NKAIN2: variants seen among roughly 807,000 people sequenced by gnomAD.
NKAIN2 encodes sodium/potassium-transporting ATPase subunit beta-1-interacting protein 2.
NKAIN2 carries 14 observed loss-of-function variants against 32.6 expected under a neutral mutation model. The observed-to-expected ratio is 0.43, with a 90% CI of 0.28 to 0.67. The LOEUF is 0.67. Among genes scored for constraint, NKAIN2 ranks in the 30% least tolerant of loss-of-function variants. The pLI is 0.17. For synonymous variants in NKAIN2, 80 were observed against 87.2 expected (o/e 0.92, Z 0.46); for missense variants, 198 against 258.3 (o/e 0.77, Z 1.60).
chr6:123,838,812 A>G (rs539402103), intron 1 of NKAIN2, among the ~76,000 whole-genome samples: 26 of 152,324 alleles, frequency 1.7e-4, no homozygotes, highest in African/African-American at 6.3e-4. Context: ...GTGTCTTTCA[A>G]AAAAGTGTGA....
rs1276222474 is a variant in NKAIN2 at position 124,729,024 on chromosome 6, T to C, written c.475-62315T>C. 1.8e-3 allele frequency among the ~76,000 whole-genome samples: 276 copies of C among 150,410 alleles called. 2 individuals carry two copies. The highest frequency in any genetic ancestry group is 6.0e-3 in the African/African-American group (247 of 41,240). On this transcript the variant is annotated intron_variant, in intron 4 of 6. Coordinates refer to ENST00000368417, the MANE Select transcript of NKAIN2 (RefSeq NM_001040214.3). ...CTAAACCAGGAAGAAGTTGAATCTC[T>C]GAATAGACCAATAACAGGATCTGAA...
intron 3 of NKAIN2, among the ~76,000 whole-genome samples, chr6:124,508,080 C>A (rs1331815690): frequency 8.4e-6 from 1 of 119,004 alleles, no homozygotes. Context: ...TGGTGAGACC[C>A]CATCTGTACC....
At chr6:124,783,034 C>G (rs550932540) in intron 4 of NKAIN2, among the ~76,000 whole-genome samples, 1 of 152,190 alleles carries the variant, frequency 6.6e-6, no homozygotes, top group East Asian at 1.9e-4. Context: ...TTGGCCATTT[C>G]TTTGATCATC....
intron 2 of NKAIN2, among the ~76,000 whole-genome samples, chr6:124,329,630 A>G (rs1216051501): frequency 5.3e-5 from 8 of 152,174 alleles, no homozygotes; most frequent in Non-Finnish European, 2.9e-5. Flanking sequence ...GAGACATAGC[A>G]CCATGTAACC....
chr6:124,720,265 C>T (rs1043163235), intron 4 of NKAIN2, among the ~76,000 whole-genome samples: 1 of 151,974 alleles, frequency 6.6e-6, no homozygotes, highest in African/African-American at 2.4e-5. Flanking sequence ...TTGCAAAGAC[C>T]CACACAGCTG....
At chr6:123,812,195 C>T (rs910276509) in intron 1 of NKAIN2, among the ~76,000 whole-genome samples, 2 of 152,060 alleles carry the variant, frequency 1.3e-5, no homozygotes, top group Admixed American at 6.6e-5. Context: ...TTCTGATATC[C>T]CCTATTAATC....
At chr6:124,237,732 T>TAAGC (rs760869977) in intron 1 of NKAIN2, among the ~76,000 whole-genome samples, 4 of 152,118 alleles carry the variant, frequency 2.6e-5, no homozygotes, top group Non-Finnish European at 4.4e-5. Context: ...TAAAATGCAT[T>TAAGC]AAGCATTATG....
intron 1 of NKAIN2, among the ~76,000 whole-genome samples, chr6:124,104,043 C>T (rs765545340): frequency 5.3e-5 from 8 of 152,124 alleles, no homozygotes; most frequent in African/African-American, 7.2e-5. Flanking sequence ...CTTGAGATTG[C>T]GCCACTGCAC....
At chr6:124,431,972 C>G (rs1775236888) in intron 3 of NKAIN2, among the ~76,000 whole-genome samples, 2 of 152,206 alleles carry the variant, frequency 1.3e-5, no homozygotes, top group Non-Finnish European at 2.9e-5. Flanking sequence ...AGAAAGAAGA[C>G]TTTGGGAAAC....
In NKAIN2 at chr6:124,056,403, A is replaced by C. The variant is rs1289606161; in HGVS notation, c.55-226602A>C. ...TTTTGGTATTCTTGTCACAAAAAAA[A>C]CTTAAAGATATTCTTTGATATAGCC... On this transcript the variant is annotated intron_variant, in intron 1 of 6. Coordinates refer to ENST00000368417, the MANE Select transcript of NKAIN2 (RefSeq NM_001040214.3). 2.0e-5 allele frequency among the ~76,000 whole-genome samples: 3 copies of C among 151,940 alleles called. No individual in the cohort carries two copies. In the East Asian group the frequency reaches 5.8e-4, roughly 29 times the overall value.
At chr6:124,109,610 G>A (rs1340346692) in intron 1 of NKAIN2, among the ~76,000 whole-genome samples, 1 of 151,912 alleles carries the variant, frequency 6.6e-6, no homozygotes, top group Non-Finnish European at 1.5e-5. Flanking sequence ...TTCTTTTTCT[G>A]GCACAGTTGC....
intron 3 of NKAIN2, among the ~76,000 whole-genome samples, chr6:124,646,841 C>T (rs1185268666): frequency 6.6e-6 from 1 of 152,194 alleles, no homozygotes; most frequent in Admixed American, 6.5e-5. Context: ...AACCATGATA[C>T]TCAGGAGGCT....
intron 3 of NKAIN2, among the ~76,000 whole-genome samples, chr6:124,531,184 C>T (rs1267294335): frequency 6.6e-6 from 1 of 152,194 alleles, no homozygotes; most frequent in Non-Finnish European, 1.5e-5. Context: ...CTCAGCCTTC[C>T]AGTCTCTAGA....
intron 3 of NKAIN2, among the ~76,000 whole-genome samples, chr6:124,435,894 G>T (rs1042139215): frequency 4.0e-5 from 6 of 149,170 alleles, no homozygotes; most frequent in African/African-American, 1.5e-4. Context: ...CTATTCTTCA[G>T]AAATACAAAT....
At chr6:124,393,341 A>AT (rs1773224326) in intron 3 of NKAIN2, among the ~76,000 whole-genome samples, 2 of 125,588 alleles carry the variant, frequency 1.6e-5, no homozygotes, top group Admixed American at 1.6e-4. Context: ...TCACTTATAG[A>AT]ATTTTTTTTT....
chr6:124,264,665 C>T (rs942318869), intron 1 of NKAIN2, among the ~76,000 whole-genome samples: 1 of 152,140 alleles, frequency 6.6e-6, no homozygotes, highest in African/African-American at 2.4e-5. Context: ...AAAGATTGGA[C>T]CCCCAGTGGG....
At chr6:124,395,577 G>GA (rs1331335554) in intron 3 of NKAIN2, among the ~76,000 whole-genome samples, 1 of 152,104 alleles carries the variant, frequency 6.6e-6, no homozygotes. Flanking sequence ...AGCTGACTTG[G>GA]AAAGGTAAAC....
intron 3 of NKAIN2, among the ~76,000 whole-genome samples, chr6:124,388,857 T>A (rs2114405521): frequency 6.6e-6 from 1 of 152,150 alleles, no homozygotes; most frequent in African/African-American, 2.4e-5. Flanking sequence ...GCTTTTTTTG[T>A]CAGTGATTTT....
At chr6:124,084,742 C>A (rs906795163) in intron 1 of NKAIN2, among the ~76,000 whole-genome samples, 21 of 151,804 alleles carry the variant, frequency 1.4e-4, no homozygotes, top group Admixed American at 7.9e-4. Flanking sequence ...GAACTGAAGT[C>A]AAGATCATTG....
Sources: gnomAD v4.1 joint callset for allele counts (sites outside exome capture counted in the v4.1 genomes callset) on GRCh38, gnomAD v4.1.1 for gene constraint, MANE v1.5 for transcripts, NCBI Gene and HGNC (gene_info 2026-07-23, HGNC 2026-07-21) for gene names.